The following NSD2 variants were observed in gnomAD, a reference collection of about 807,000 sequenced individuals.
NSD2 encodes the protein nuclear receptor binding SET domain protein 2.
NSD2 carries 12 observed loss-of-function variants against 139.0 expected under a neutral mutation model. The observed-to-expected ratio is 0.09, with a 90% CI of 0.06 to 0.14. The LOEUF is 0.14. NSD2 is among the 10% of genes least tolerant of loss of function. The probability of loss-of-function intolerance (pLI) is 1.00; values close to 1 mark genes in which losing one functional copy is unlikely to be tolerated. For missense variants in NSD2, 1,155 were observed against 1,745.0 expected (o/e 0.66, Z 6.02); for synonymous variants, 669 against 648.7 (o/e 1.03, Z -0.48).
chr4:1,935,361 G>A, intron 7 of NSD2, 99 bp downstream of exon 7: 1 of 856,162 alleles, frequency 1.2e-6, no homozygotes, highest in Non-Finnish European at 1.9e-6. Flanking sequence ...AGATGCAGGT[G>A]TCAGTGCACC....
In NSD2 at chr4:1,881,204, C is replaced by T. The variant is rs148616809; in HGVS notation, c.-30+9662C>T. 3.0e-3 allele frequency among the ~76,000 whole-genome samples: 459 copies of T among 152,042 alleles called. 4 individuals carry two copies. The highest frequency in any genetic ancestry group is 6.7e-3 in the Admixed American group (102 of 15,268). Reference sequence around the variant, plus strand: ...ATGGTCCTCCCACCTCAGCCTCCTGCGTAGCTGGGACACAGGCGTGTGCCA... The same window carrying T: ...ATGGTCCTCCCACCTCAGCCTCCTGTGTAGCTGGGACACAGGCGTGTGCCA... On this transcript the variant is annotated intron_variant, in intron 1 of 21. Transcript: ENST00000508803.
At chr4:1,898,548 C>T (rs1716701621) in intron 1 of NSD2, among the ~76,000 whole-genome samples, 1 of 151,626 alleles carries the variant, frequency 6.6e-6, no homozygotes, top group Admixed American at 6.6e-5. Flanking sequence ...CCTGTAGTCC[C>T]AGCTACTCAG....
intron 9 of NSD2, chr4:1,946,184 AG>A (rs1723605371): frequency 9.8e-7 from 1 of 1,020,466 alleles, no homozygotes; most frequent in Non-Finnish European, 1.2e-6. Context: ...TCATTAGAAA[AG>A]GTTTCTTAAA....
At chr4:1,907,783 T>C (rs1177453506) in intron 3 of NSD2, among the ~76,000 whole-genome samples, 1 of 152,124 alleles carries the variant, frequency 6.6e-6, no homozygotes, top group Non-Finnish European at 1.5e-5. Context: ...CAGCTAATTT[T>C]TGTATTTTTA....
chr4:1,893,575 A>G (rs1299766243), intron 1 of NSD2, among the ~76,000 whole-genome samples: 1 of 144,638 alleles, frequency 6.9e-6, no homozygotes, highest in African/African-American at 2.6e-5. Context: ...GTTTTGAGAC[A>G]AGGTCTTGCT....
In NSD2 at chr4:1,974,764, A is replaced by T; in HGVS notation, c.3373-99A>T. On this transcript the variant is annotated intron_variant, in intron 18 of 21. Transcript: ENST00000508803. This position sits in a 1 kb window ranked among gnomAD's most constrained non-coding sequence, Gnocchi z 4.0. ...CACCACGGTTTTCAGTACAACAAGG[A>T]ACACAACTTGTTCAATGTGCTTTAT... 1 of 1,545,922 alleles carries T rather than the reference A, an allele frequency of 6.5e-7. No individual in the cohort carries two copies. The highest frequency in any genetic ancestry group is 8.9e-7 in the Non-Finnish European group (1 of 1,122,508).
At chr4:1,936,609 A>G (rs1019830618) in intron 7 of NSD2, among the ~76,000 whole-genome samples, 1 of 148,018 alleles carries the variant, frequency 6.8e-6, no homozygotes, top group African/African-American at 2.5e-5. Context: ...CGGAGGTTGC[A>G]GTGAGCTGAG....
intron 1 of NSD2, among the ~76,000 whole-genome samples, chr4:1,898,588 A>C (rs1716710503): frequency 6.7e-6 from 1 of 148,800 alleles, no homozygotes; most frequent in African/African-American, 2.5e-5. Context: ...TGAACCCGGG[A>C]GGTGGAGGTT....
Position 1,942,094 on chromosome 4 carries a change from G to C in NSD2, c.1881+2316G>C. The C allele has an allele frequency of 4.9e-6, 6 of 1,213,130 alleles. No individual in the cohort carries two copies. Among genetic ancestry groups the C allele is most frequent in the Non-Finnish European group, 6.2e-6 (6 of 969,316 alleles). 75.1% of individuals were successfully genotyped at this position (1,213,130 alleles called of 1,614,324 possible). On this transcript the variant is annotated intron_variant, in intron 9 of 21. Coordinates refer to ENST00000508803, the MANE Select transcript of NSD2 (RefSeq NM_001042424.3). This position sits in a 1 kb window ranked among gnomAD's most constrained non-coding sequence, Gnocchi z 4.0. ...GTACTTTTATAGGGTTGGTATTTCA[G>C]AACACTTTAGGTCATGTTGTAGTTT...
intron 3 of NSD2, among the ~76,000 whole-genome samples, chr4:1,907,837 T>C (rs1718138581): frequency 2.0e-5 from 3 of 152,150 alleles, no homozygotes; most frequent in African/African-American, 4.8e-5. Flanking sequence ...GATCTTGATC[T>C]CTTGACCTTG....
rs1560827075 is a variant in NSD2 at position 1,978,887 on chromosome 4, G to A, written c.4076G>A (p.Arg1359Gln). 2.6e-5 allele frequency: 41 copies of A among 1,574,730 alleles called. No homozygotes were observed. Among genetic ancestry groups the A allele is most frequent in the Non-Finnish European group, 3.3e-5 (38 of 1,157,952 alleles). Residue 1359 changes from arginine (R) to glutamine (Q), a missense_variant, in exon 22 of 22, where the codon CGG becomes CAG. Arg to Gln is a conservative substitution (Grantham distance 43). Coordinates refer to ENST00000508803, the MANE Select transcript of NSD2 (RefSeq NM_001042424.3). The stretch of plus-strand genomic sequence containing the variant: ...AAGAGGCGGCGGCGGAGGGGCTGGC[G>A]GAGAGTCACAGAGGGCAAATAGCGC... Reference protein sequence around the residue: ...KGKRRRRRGWRRVTEGK With the variant: ...KGKRRRRRGWQRVTEGK
intron 1 of NSD2, among the ~76,000 whole-genome samples, chr4:1,895,418 GT>G (rs1463045833): frequency 6.6e-6 from 1 of 152,034 alleles, no homozygotes; most frequent in Non-Finnish European, 1.5e-5. Flanking sequence ...ATCTTACATG[GT>G]TTTCATCTCT....
At chr4:1,961,295 C>A in intron 18 of NSD2, 144 bp downstream of exon 18, 1 of 701,430 alleles carries the variant, frequency 1.4e-6, no homozygotes, top group Non-Finnish European at 2.4e-6. Context: ...ACATTTTCTT[C>A]TGAGGTGCAG....
rs1441309723 is a variant in NSD2, at chr4:1,943,614, T to C, written c.1881+3836T>C. 4 of 1,048,498 alleles carry C rather than the reference T, an allele frequency of 3.8e-6. No individual in the cohort carries two copies. The Admixed American group carries it at 1.7e-4, about 44-fold the overall frequency. The allele number at this position is 1,048,498 out of a possible 1,614,324, so 64.9% of individuals were successfully genotyped here. A position where few individuals can be genotyped will look rare whatever the true frequency, so the allele number is the denominator to read the frequency against. On this transcript the variant is annotated intron_variant, in intron 9 of 21. Transcript: ENST00000508803. ...GCTGAGGGCTGGTTGGGTTCCTCTA[T>C]TGGCTCTGCTCAAATGTTGCAGGAT...
At chr4:1,966,268 G>A (rs553372982) in intron 18 of NSD2, among the ~76,000 whole-genome samples, 2 of 152,318 alleles carry the variant, frequency 1.3e-5, no homozygotes, top group Admixed American at 1.3e-4. Flanking sequence ...GTATGAAGAA[G>A]AAAGATCTCA....
chr4:1,923,501 T>C (rs1240096234), intron 5 of NSD2, among the ~76,000 whole-genome samples: 3 of 152,162 alleles, frequency 2.0e-5, no homozygotes, highest in Non-Finnish European at 4.4e-5. Flanking sequence ...GTTACGATCC[T>C]GGTGGGATGG....
chr4:1,893,170 A>G (rs1715748759), intron 1 of NSD2, among the ~76,000 whole-genome samples: 1 of 152,080 alleles, frequency 6.6e-6, no homozygotes, highest in African/African-American at 2.4e-5. Context: ...AGAGATATGC[A>G]TATTAAACTC....
In NSD2 at chr4:1,978,747, C is replaced by G; in HGVS notation, c.3936C>G (p.Ala1312=). The G allele has an allele frequency of 6.2e-7, 1 of 1,614,160 alleles. No individual in the cohort carries two copies. Among genetic ancestry groups the G allele is most frequent in the East Asian group, 2.2e-5 (1 of 44,870 alleles). ...SFCKEHQDGT[A]FSCTPDGRSY... The stretch of plus-strand genomic sequence containing the variant: ...GTAAGGAGCACCAGGACGGGACAGC[C>G]TTCAGCTGCACCCCGGACGGGCGGT... The change falls in exon 22 of 22, where the codon GCC becomes GCG. Residue 1312 remains alanine, a synonymous_variant. Transcript: ENST00000508803.
chr4:1,898,489 C>T (rs1439839247), intron 1 of NSD2, among the ~76,000 whole-genome samples: 1 of 151,870 alleles, frequency 6.6e-6, no homozygotes, highest in Non-Finnish European at 1.5e-5. Context: ...ACGGTGAAAC[C>T]CCGTCTCTAC....
Sources: gnomAD v4.1 joint callset for allele counts (sites outside exome capture counted in the v4.1 genomes callset) on GRCh38, gnomAD v4.1.1 for gene constraint, Gnocchi (gnomAD v3.1) non-coding constraint, MANE v1.5 for transcripts, NCBI Gene and HGNC (gene_info 2026-07-23, HGNC 2026-07-21) for gene names.